Variants in ACTR3C observed in about 807,000 individuals in gnomAD.
ACTR3C encodes the protein actin-related protein 3C.
Under a neutral mutation model 26.3 loss-of-function variants are expected in ACTR3C, and 18 were observed. The ratio of observed to expected loss-of-function variants is 0.68; its 90% CI spans 0.47 to 1.01. The LOEUF (loss-of-function observed/expected upper bound fraction) is 1.01, where lower values mean the gene tolerates loss of function less well. Ranked by LOEUF, ACTR3C falls within the 50% of genes least tolerant of loss-of-function variation. The probability of loss-of-function intolerance (pLI) is 0.00; values close to 1 mark genes in which losing one functional copy is unlikely to be tolerated. For synonymous variants in ACTR3C, 55 were observed against 94.5 expected, an observed-to-expected ratio of 0.58 and a Z score of 2.42; for missense variants, 184 against 250.7, an observed-to-expected ratio of 0.73 and a Z score of 1.80.
the ACTR3C span, among the ~76,000 whole-genome samples, chr7:150,219,567 C>G: frequency 2.8e-5 from 4 of 140,632 alleles, no homozygotes; most frequent in East Asian, 7.9e-4. Context: ...CCCACAGGAT[C>G]CGTGCGAAAT....
the ACTR3C span, among the ~76,000 whole-genome samples, chr7:149,951,604 C>G: frequency 6.6e-6 from 1 of 151,984 alleles, no homozygotes; most frequent in African/African-American, 2.4e-5. Flanking sequence ...AGGAGGTCTG[C>G]TTTCCTAGAG....
the ACTR3C span, among the ~76,000 whole-genome samples, chr7:150,191,647 G>A: frequency 6.6e-6 from 1 of 152,118 alleles, no homozygotes; most frequent in East Asian, 1.9e-4. Context: ...AAGTTATTTT[G>A]TCTGCAGATA....
the ACTR3C span, among the ~76,000 whole-genome samples, chr7:150,040,134 G>A: frequency 1.4e-5 from 2 of 147,934 alleles, 1 homozygote; most frequent in Non-Finnish European, 3.0e-5. Context: ...CACAAAATGG[G>A]GGGCCTTTAT....
At chr7:150,303,105 G>T (rs944927692) in intron 1 of ACTR3C, 2 of 152,160 alleles carry the variant, frequency 1.3e-5, no homozygotes, top group Admixed American at 1.3e-4. Context: ...AACAGGCCCA[G>T]AAAAAAGCAT....
chr7:150,200,624 T>C, the ACTR3C span, among the ~76,000 whole-genome samples: 2 of 152,176 alleles, frequency 1.3e-5, no homozygotes, highest in East Asian at 1.9e-4. Context: ...ACATCAAGTG[T>C]TGAAGCCCTT....
At chr7:150,004,066 T>C in the ACTR3C span, among the ~76,000 whole-genome samples, 4 of 151,244 alleles carry the variant, frequency 2.6e-5, no homozygotes, top group African/African-American at 9.7e-5. Flanking sequence ...GTAGGATGTA[T>C]GGCATGTGGT....
chr7:149,994,678 C>T, the ACTR3C span, among the ~76,000 whole-genome samples: 10 of 151,984 alleles, frequency 6.6e-5, no homozygotes, highest in African/African-American at 2.2e-4. Flanking sequence ...ACCCATAGAG[C>T]CTCAAAGTCC....
intron 1 of ACTR3C, among the ~76,000 whole-genome samples, chr7:150,299,710 C>T (rs569069829): frequency 2.9e-4 from 44 of 152,092 alleles, no homozygotes; most frequent in African/African-American, 9.6e-4. Context: ...TGCTTAAACC[C>T]GGGAGGCAGA....
chr7:150,084,799 C>T, the ACTR3C span, among the ~76,000 whole-genome samples: 25 of 152,190 alleles, frequency 1.6e-4, no homozygotes, highest in African/African-American at 5.8e-4. Flanking sequence ...AACAGGATCC[C>T]TGCGGCTGTC....
rs567062230 is a variant in ACTR3C at position 150,274,169 on chromosome 7, G to A, written c.564+10584C>T. Among the ~76,000 whole-genome samples, 33 of 152,258 alleles carry A rather than the reference G, an allele frequency of 2.2e-4. No homozygotes were observed. Among genetic ancestry groups the A allele is most frequent in the Admixed American group, 1.6e-3 (25 of 15,298 alleles). Reference sequence around the variant, plus strand: ...AAATGACGTGGGAAAAAGCGCCGAGGTGCAGTCTAGAGCAGGGTGGTCAGG... The same window carrying A: ...AAATGACGTGGGAAAAAGCGCCGAGATGCAGTCTAGAGCAGGGTGGTCAGG... On this transcript the variant is annotated intron_variant, in intron 6 of 7. Transcript: ENST00000683684. This position sits in a 1 kb window ranked among gnomAD's most constrained non-coding sequence, Gnocchi z 4.1.
At chr7:150,132,031 C>G in the ACTR3C span, among the ~76,000 whole-genome samples, 1 of 149,642 alleles carries the variant, frequency 6.7e-6, no homozygotes, top group African/African-American at 2.6e-5. Context: ...GGTTATACTA[C>G]AGCGATGGCT....
chr7:150,244,069 A>G (rs182619185), downstream of ACTR3C: 161 of 151,644 alleles, frequency 1.1e-3, no homozygotes, highest in African/African-American at 3.7e-3. Context: ...AGTATTCAGT[A>G]TAGTCTTAGA....
At chr7:150,214,524 G>A in the ACTR3C span, among the ~76,000 whole-genome samples, 1 of 151,548 alleles carries the variant, frequency 6.6e-6, no homozygotes, top group Non-Finnish European at 1.5e-5. Context: ...CTGAAAAAGA[G>A]AGAGAAAAGT....
chr7:150,205,616 C>T, the ACTR3C span, among the ~76,000 whole-genome samples: 1 of 152,140 alleles, frequency 6.6e-6, no homozygotes, highest in Admixed American at 6.5e-5. Context: ...CACTTCCATT[C>T]TGCTCCCCAA....
the ACTR3C span, among the ~76,000 whole-genome samples, chr7:150,070,109 C>G: frequency 6.6e-6 from 1 of 152,196 alleles, no homozygotes; most frequent in East Asian, 1.9e-4. Context: ...CCACACATTC[C>G]ACAGCTTTGG....
chr7:150,321,606 G>T (rs1439691854), intron 1 of ACTR3C, among the ~76,000 whole-genome samples: 1 of 152,154 alleles, frequency 6.6e-6, no homozygotes, highest in Non-Finnish European at 1.5e-5. Context: ...CAGGTGTGGT[G>T]GTTCACGCCT....
chr7:150,307,443 G>A (rs546107224), intron 1 of ACTR3C, among the ~76,000 whole-genome samples: 10 of 152,168 alleles, frequency 6.6e-5, no homozygotes, highest in African/African-American at 2.4e-4. Context: ...CTGATCAGTC[G>A]ACCTTGTGAA....
At chr7:150,128,199 C>T in the ACTR3C span, among the ~76,000 whole-genome samples, 1 of 151,944 alleles carries the variant, frequency 6.6e-6, no homozygotes, top group Non-Finnish European at 1.5e-5. Context: ...CCAACTGCCA[C>T]TGTACTACCA....
the ACTR3C span, among the ~76,000 whole-genome samples, chr7:150,038,555 T>A: frequency 3.4e-5 from 5 of 145,184 alleles, no homozygotes; most frequent in African/African-American, 1.1e-4. Flanking sequence ...TCCTAAGAAT[T>A]CTCTCACCTG....
Sources: gnomAD v4.1 joint callset for allele counts (sites outside exome capture counted in the v4.1 genomes callset) on GRCh38, gnomAD v4.1.1 for gene constraint, Gnocchi (gnomAD v3.1) non-coding constraint, MANE v1.5 for transcripts, NCBI Gene and HGNC (gene_info 2026-07-23, HGNC 2026-07-21) for gene names.